SCLY: variants seen among roughly 807,000 people sequenced by gnomAD.
The protein encoded by SCLY is putative selenocysteine lyase.
Under a neutral mutation model 50.1 loss-of-function variants are expected in SCLY, and 38 were observed. That is an observed-to-expected ratio of 0.76 (90% CI 0.59 to 0.99). SCLY has a LOEUF of 0.99. Among genes scored for constraint, SCLY ranks in the 50% least tolerant of loss-of-function variants. SCLY has a pLI of 0.00. For synonymous variants in SCLY, 243 were observed against 249.4 expected (o/e 0.97, Z 0.24); for missense variants, 600 against 620.0 (o/e 0.97, Z 0.34).
chr2:238,064,758 C>CG, intron 2 of SCLY: 1 of 222,938 alleles, frequency 4.5e-6, no homozygotes, highest in Non-Finnish European at 8.9e-6. Flanking sequence ...AAGTAGCAGT[C>CG]AGTACCTGTG....
intron 7 of SCLY, among the ~76,000 whole-genome samples, chr2:238,084,927 A>G (rs192153638): frequency 6.6e-5 from 4 of 60,980 alleles, no homozygotes; most frequent in Admixed American, 3.3e-4. Context: ...CTAGACTTCT[A>G]CTTCCACTTG....
chr2:238,081,951 A>G (rs746874678), intron 5 of SCLY, 94 bp from the exon 6 acceptor site: 2 of 1,575,328 alleles, frequency 1.3e-6, no homozygotes, highest in African/African-American at 2.7e-5. Context: ...GTTCACTTTG[A>G]TAACATTTGG....
chr2:238,099,080 G>C lies in SCLY; in HGVS notation c.*725G>C, dbSNP rs78235106. ...CAGGGCTGCGCACTTCCCTGTCCACGGTCCCCAGGCCTTCCTGTCTTGTCC... is the reference window on the plus strand; with the variant it reads ...CAGGGCTGCGCACTTCCCTGTCCACCGTCCCCAGGCCTTCCTGTCTTGTCC... On this transcript the variant is annotated 3_prime_UTR_variant, in exon 12 of 12. Transcript: ENST00000254663. The C allele has an allele frequency of 5.6e-6, 2 of 358,316 alleles. No homozygotes were observed. The highest frequency in any genetic ancestry group is 7.5e-5 in the East Asian group (1 of 13,324). 22.2% of individuals were successfully genotyped at this position (358,316 alleles called of 1,614,324 possible).
rs1443901092 is a variant in SCLY at position 238,083,658 on chromosome 2, A to G, written c.884+304A>G. 2.6e-5 allele frequency among the ~76,000 whole-genome samples: 4 copies of G among 152,244 alleles called. No individual in the cohort carries two copies. Among genetic ancestry groups the G allele is most frequent in the Admixed American group, 6.5e-5 (1 of 15,286 alleles). On this transcript the variant is annotated intron_variant, in intron 7 of 11. Transcript: ENST00000254663. This position sits in a 1 kb window ranked among gnomAD's most constrained non-coding sequence, Gnocchi z 4.3. ...ACTGAAGAGAACTGTTGGACCCTTC[A>G]TGGCTGAGGCCTGCTGCTGTTTTAA...
At chr2:238,090,924 C>T (rs1396675490) in intron 7 of SCLY, among the ~76,000 whole-genome samples, 2 of 152,074 alleles carry the variant, frequency 1.3e-5, no homozygotes, top group African/African-American at 4.8e-5. Flanking sequence ...TTGGGGCCTA[C>T]AGGAGGCAGA....
Position 238,067,607 on chromosome 2 carries a change from C to T in SCLY, c.203-458C>T, listed in dbSNP as rs2065082371. Among the ~76,000 whole-genome samples, 3 of 152,232 alleles carry T rather than the reference C, an allele frequency of 2.0e-5. No individual in the cohort carries two copies. On this transcript the variant is annotated intron_variant, in intron 2 of 11. Coordinates refer to ENST00000254663, the MANE Select transcript of SCLY (RefSeq NM_016510.7). The surrounding 1 kb of genome is among the most constrained non-coding windows in gnomAD (Gnocchi z 4.3). ...TGTAGCCCAGGTACCCTGTGGGCGA[C>T]ATGCAAAATGAGATATGGCACTGGA...
At chr2:238,090,816 C>A (rs1042218572) in intron 7 of SCLY, among the ~76,000 whole-genome samples, 2 of 151,700 alleles carry the variant, frequency 1.3e-5, no homozygotes, top group South Asian at 2.1e-4. Flanking sequence ...ACACACACAC[C>A]CCTCTTGTTT....
Position 238,069,428 on chromosome 2 carries a change from C to G in SCLY, c.435C>G (p.His145Gln), listed in dbSNP as rs1483738007. The G allele has an allele frequency of 1.2e-6, 2 of 1,613,770 alleles. No individual in the cohort carries two copies. Among genetic ancestry groups the G allele is most frequent in the Non-Finnish European group, 1.7e-6 (2 of 1,179,854 alleles). The change falls in exon 4 of 12, where the codon CAC becomes CAG. Residue 145 changes from histidine (H) to glutamine (Q), a missense_variant. Physicochemically the swap from His to Gln is conservative, Grantham distance 24. Transcript: ENST00000254663. This position sits in a 1 kb window ranked among gnomAD's most constrained non-coding sequence, Gnocchi z 5.0. ...KPHFITSSVEHDSIRLPLEHL... is the reference protein window; with the variant it reads ...KPHFITSSVEQDSIRLPLEHL... ...ATTTCATTACTTCCTCGGTGGAACA[C>G]GACTCCATCCGGCTGCCCCTGGAGC... is the stretch of plus-strand genomic sequence containing the variant.
intron 11 of SCLY, 98 bp from the exon 12 acceptor site, chr2:238,098,104 G>A (rs2065458679): frequency 7.1e-7 from 1 of 1,418,290 alleles, no homozygotes; most frequent in Non-Finnish European, 9.5e-7. Flanking sequence ...ACATCCGGGT[G>A]GGCAGAGCCC....
chr2:238,080,442 A>G (rs2065223722), intron 4 of SCLY: 2 of 152,260 alleles, frequency 1.3e-5, no homozygotes, highest in African/African-American at 4.8e-5. Flanking sequence ...GGGATGGCTC[A>G]TCTCCAGTTC....
chr2:238,099,266 C>T lies in SCLY; in HGVS notation c.*911C>T. 6.4e-6 allele frequency: 3 copies of T among 471,744 alleles called. No homozygotes were observed. The highest frequency in any genetic ancestry group is 3.1e-5 in the South Asian group (2 of 64,510). The allele number at this position is 471,744 out of a possible 1,614,324, so 29.2% of individuals were successfully genotyped here. ...CTCAAAATGCTCTGGCATTTGGACA[C>T]ACATCACATGTCGATATTTGCATAG... On this transcript the variant is annotated 3_prime_UTR_variant, in exon 12 of 12. Transcript: ENST00000254663.
intron 4 of SCLY, among the ~76,000 whole-genome samples, chr2:238,070,542 T>A (rs2065117909): frequency 6.6e-6 from 1 of 152,062 alleles, no homozygotes; most frequent in South Asian, 2.1e-4. Flanking sequence ...TAGCCAGTCA[T>A]GGTGGTACGT....
At chr2:238,085,010 A>AT (rs1419219738) in intron 7 of SCLY, among the ~76,000 whole-genome samples, 1 of 152,186 alleles carries the variant, frequency 6.6e-6, no homozygotes, top group African/African-American at 2.4e-5. Flanking sequence ...GAAAGATTGA[A>AT]TAAGATCCAG....
intron 4 of SCLY, chr2:238,078,672 A>G (rs1446338121): frequency 2.0e-5 from 3 of 151,498 alleles, no homozygotes; most frequent in Non-Finnish European, 4.4e-5. Context: ...TACAAACTCA[A>G]CAGTGCATTG....
At chr2:238,090,799 T>C (rs1461046239) in intron 7 of SCLY, among the ~76,000 whole-genome samples, 1 of 151,040 alleles carries the variant, frequency 6.6e-6, no homozygotes, top group Non-Finnish European at 1.5e-5. Flanking sequence ...CTTGCACACA[T>C]ACACACACAC....
intron 7 of SCLY, among the ~76,000 whole-genome samples, chr2:238,084,232 C>T (rs1185133347): frequency 6.6e-6 from 1 of 152,166 alleles, no homozygotes; most frequent in Non-Finnish European, 1.5e-5. Context: ...ATATCGGGAT[C>T]TTGGACCCAC....
In SCLY at chr2:238,083,281, C is replaced by T. The variant is rs367978630; in HGVS notation, c.811C>T (p.Arg271Ter). 1.6e-5 allele frequency: 26 copies of T among 1,613,672 alleles called. No individual in the cohort carries two copies. The highest frequency in any genetic ancestry group is 3.3e-5 in the Admixed American group (2 of 59,998). Residue 271 changes from arginine to a stop codon, truncating the protein, a stop_gained, in exon 7 of 12, where the codon CGA becomes TGA. Coordinates refer to ENST00000254663, the MANE Select transcript of SCLY (RefSeq NM_016510.7). LOFTEE classifies it high-confidence loss of function. The surrounding 1 kb of genome is among the most constrained non-coding windows in gnomAD (Gnocchi z 4.3). ...YGPRIGALYI[R>*]GLGEFTPLYP... ...TCCCAGGATTGGCGCACTTTATATA[C>T]GAGGACTTGGTGAATTTACCCCTCT...
rs1559254704 is a variant in SCLY at position 238,098,623 on chromosome 2, C to CGCCCACATGGGAA, written c.*268_*269insGCCCACATGGGAA. ...CCCACATAGGACCGCCCACATGGGACCGCCCACATGGGACCGCCCACATGG... is the reference window on the plus strand; with the variant it reads ...CCCACATAGGACCGCCCACATGGGACGCCCACATGGGAACGCCCACATGGGACCGCCCACATGG... On this transcript the variant is annotated 3_prime_UTR_variant, in exon 12 of 12. Coordinates refer to ENST00000254663, the MANE Select transcript of SCLY (RefSeq NM_016510.7). 28 of 239,216 alleles carry CGCCCACATGGGAA rather than the reference C, an allele frequency of 1.2e-4. 2 individuals are homozygous for CGCCCACATGGGAA. Among genetic ancestry groups the CGCCCACATGGGAA allele is most frequent in the South Asian group, 3.2e-4 (3 of 9,298 alleles). The allele number at this position is 239,216 out of a possible 1,614,324, so 14.8% of individuals were successfully genotyped here.
intron 2 of SCLY, among the ~76,000 whole-genome samples, chr2:238,065,521 A>G (rs1459755311): frequency 6.6e-6 from 1 of 152,170 alleles, no homozygotes; most frequent in Non-Finnish European, 1.5e-5. Flanking sequence ...TGTTTCCACA[A>G]ATTAAGAACC....
Sources: allele counts gnomAD v4.1 joint callset (sites outside exome capture counted in the v4.1 genomes callset), GRCh38; gene constraint gnomAD v4.1.1; non-coding constraint Gnocchi (gnomAD v3.1); transcripts MANE v1.5; gene names NCBI Gene and HGNC (gene_info 2026-07-23, HGNC 2026-07-21).